Variants in DLC1 observed in about 807,000 individuals in gnomAD.
The protein encoded by DLC1 is DLC1 Rho GTPase activating protein.
A neutral mutation model predicts 140.3 loss-of-function variants in DLC1; 54 were observed. That is an observed-to-expected ratio of 0.38 (90% CI 0.31 to 0.48). The LOEUF is 0.48. Ranked by LOEUF, DLC1 falls within the 20% of genes least tolerant of loss-of-function variation. DLC1 has a pLI of 0.96. For missense variants in DLC1, 2,536 were observed against 1,907.0 expected (o/e 1.33, Z -6.14); for synonymous variants, 986 against 728.1 (o/e 1.35, Z -5.70).
chr8:13,227,107 C>T (rs1408978669), intron 5 of DLC1, among the ~76,000 whole-genome samples: 5 of 152,056 alleles, frequency 3.3e-5, no homozygotes, highest in East Asian at 1.9e-4. Context: ...AGGCTGGTCT[C>T]GAGCATCTGA....
chr8:13,102,797 C>T lies in DLC1; in HGVS notation c.1559G>A (p.Arg520Gln), dbSNP rs1343974787. 8.7e-6 allele frequency: 14 copies of T among 1,613,818 alleles called. No individual in the cohort carries two copies. In the East Asian group the frequency reaches 8.9e-5, roughly 10 times the overall value. The change falls in exon 8 of 18, where the codon CGG becomes CAG. Residue 520 changes from arginine (R) to glutamine (Q), a missense_variant. Physicochemically the swap from Arg to Gln is conservative, Grantham distance 43. Transcript: ENST00000276297. ...AVMKLEISPH[R>Q]KRSDDSDEDE... ...TGCAATTTGTATACTCACTCGTTTC[C>T]GATGAGGACTAATTTCTAGCTTCAT...
intron 6 of DLC1, among the ~76,000 whole-genome samples, chr8:13,111,993 T>TA (rs1212193556): frequency 6.6e-5 from 10 of 151,980 alleles, no homozygotes; most frequent in African/African-American, 2.4e-4. Flanking sequence ...AAAAAAAATC[T>TA]AAAAAAATTT....
chr8:13,587,109 C>T (rs1162408148), intron 1 of DLC1, among the ~76,000 whole-genome samples: 1 of 145,896 alleles, frequency 6.9e-6, no homozygotes, highest in Non-Finnish European at 1.5e-5. Flanking sequence ...CACACACATT[C>T]ATGCATGCGC....
intron 5 of DLC1, among the ~76,000 whole-genome samples, chr8:13,185,122 C>CTTTTTTTTTTTTTTTTTTT (rs1193667992): frequency 5.9e-5 from 5 of 84,568 alleles, no homozygotes; most frequent in Non-Finnish European, 6.9e-5. Flanking sequence ...GCAACCCCTG[C>CTTTTTTTTTTTTTTTTTTT]TTTTTTTTTT....
At chr8:13,145,502 T>C (rs1180056701) in intron 5 of DLC1, among the ~76,000 whole-genome samples, 3 of 152,234 alleles carry the variant, frequency 2.0e-5, no homozygotes, top group Non-Finnish European at 4.4e-5. Flanking sequence ...CTAATTATGC[T>C]ATGATCTAGC....
At chr8:13,452,579 G>A (rs1415187301) in intron 2 of DLC1, among the ~76,000 whole-genome samples, 2 of 152,322 alleles carry the variant, frequency 1.3e-5, no homozygotes, top group South Asian at 2.1e-4. Flanking sequence ...CTAATGGAAA[G>A]TATTGCTTTG....
chr8:13,269,493 A>G (rs933346536), intron 5 of DLC1, among the ~76,000 whole-genome samples: 1 of 151,528 alleles, frequency 6.6e-6, no homozygotes, highest in African/African-American at 2.4e-5. Context: ...AGCTGGGAGG[A>G]TCACTTGAGG....
chr8:13,090,129 T>C, intron 15 of DLC1, 123 bp downstream of exon 15: 1 of 875,382 alleles, frequency 1.1e-6, no homozygotes, highest in Non-Finnish European at 1.7e-6. Flanking sequence ...GGTGCCCAGC[T>C]CTACAAGGGA....
chr8:13,335,464 T>A (rs1833778833), intron 4 of DLC1, among the ~76,000 whole-genome samples: 1 of 152,216 alleles, frequency 6.6e-6, no homozygotes, highest in African/African-American at 2.4e-5. Context: ...AAAAGTCTTT[T>A]CTAGATCAGC....
At chr8:13,377,434 CAGTT>C (rs1315395636) in intron 4 of DLC1, among the ~76,000 whole-genome samples, 2 of 152,120 alleles carry the variant, frequency 1.3e-5, no homozygotes, top group Non-Finnish European at 2.9e-5. Flanking sequence ...GTAAGGAGGA[CAGTT>C]ATTCAATAAC....
intron 5 of DLC1, among the ~76,000 whole-genome samples, chr8:13,139,987 G>A (rs531519495): frequency 4.6e-5 from 7 of 152,180 alleles, no homozygotes; most frequent in East Asian, 1.9e-4. Context: ...ATTGTGTGAC[G>A]ATCACCGTTA....
At chr8:13,136,106 C>T (rs1304983229) in intron 5 of DLC1, among the ~76,000 whole-genome samples, 6 of 152,188 alleles carry the variant, frequency 3.9e-5, no homozygotes, top group South Asian at 2.1e-4. Flanking sequence ...AAAGCTGCTA[C>T]GCTTAAGAGA....
chr8:13,255,437 G>A (rs1159460923), intron 5 of DLC1, among the ~76,000 whole-genome samples: 2 of 152,154 alleles, frequency 1.3e-5, no homozygotes, highest in South Asian at 2.1e-4. Flanking sequence ...AAAAGGCAGG[G>A]ATAAGTCTTG....
intron 5 of DLC1, among the ~76,000 whole-genome samples, chr8:13,185,288 T>TTTG (rs1003972928): frequency 6.7e-4 from 97 of 144,464 alleles, no homozygotes; most frequent in African/African-American, 2.4e-3. Flanking sequence ...TTTCTGTTTT[T>TTTG]TTTGTTTGTT....
intron 4 of DLC1, among the ~76,000 whole-genome samples, chr8:13,361,184 A>G (rs1835209442): frequency 6.6e-6 from 1 of 152,104 alleles, no homozygotes; most frequent in Non-Finnish European, 1.5e-5. Context: ...GTGAGCCTTA[A>G]TTATACCACT....
chr8:13,336,733 A>G (rs1729108), intron 4 of DLC1, among the ~76,000 whole-genome samples: 130,183 of 152,154 alleles, frequency 0.86, 56,107 homozygotes, highest in East Asian at 0.95. Context: ...GGGTTGTTGT[A>G]ATGATTAATA....
At chr8:13,495,765 G>T (rs1193832582) in intron 2 of DLC1, among the ~76,000 whole-genome samples, 1 of 152,146 alleles carries the variant, frequency 6.6e-6, no homozygotes, top group Non-Finnish European at 1.5e-5. Flanking sequence ...TGCCTGCTAA[G>T]ATTTATGGGC....
intron 3 of DLC1, among the ~76,000 whole-genome samples, chr8:13,400,788 A>T (rs1398924098): frequency 6.6e-6 from 1 of 152,178 alleles, no homozygotes; most frequent in Non-Finnish European, 1.5e-5. Flanking sequence ...ACCATCCTAG[A>T]TCTGCACAAA....
chr8:13,466,931 G>A (rs986728500), intron 2 of DLC1, among the ~76,000 whole-genome samples: 10 of 125,402 alleles, frequency 8.0e-5, no homozygotes, highest in Non-Finnish European at 1.3e-4. Flanking sequence ...AGTTAACAGT[G>A]GTTGTCTACT....
Sources: allele counts gnomAD v4.1 joint callset (sites outside exome capture counted in the v4.1 genomes callset), GRCh38; gene constraint gnomAD v4.1.1; transcripts MANE v1.5; gene names NCBI Gene and HGNC (gene_info 2026-07-23, HGNC 2026-07-21).